AGO1: variants seen among roughly 807,000 people sequenced by gnomAD.
AGO1 encodes the protein argonaute RISC component 1, also known as protein argonaute-1.
A neutral mutation model predicts 109.2 loss-of-function variants in AGO1; 11 were observed. The ratio of observed to expected loss-of-function variants is 0.10; its 90% CI spans 0.06 to 0.17. AGO1 has a LOEUF of 0.17. Ranked by LOEUF, AGO1 falls within the 10% of genes least tolerant of loss-of-function variation. The pLI is 1.00. For missense variants in AGO1, 574 were observed against 1,140.3 expected, an observed-to-expected ratio of 0.50 and a Z score of 7.15; for synonymous variants, 422 against 418.6, an observed-to-expected ratio of 1.01 and a Z score of -0.10.
chr1:35,893,872 C>T lies in AGO1; in HGVS notation c.649+62C>T. ...AGTCCAGTGACCACACTCCCAGCCT[C>T]ATCCCTCCCAGCTCTGCAACCACAC... On this transcript the variant is annotated intron_variant, in intron 5 of 18. Transcript: ENST00000373204. The surrounding 1 kb of genome is among the most constrained non-coding windows in gnomAD (Gnocchi z 5.6). 6.4e-7 allele frequency: 1 copy of T among 1,568,958 alleles called. No individual in the cohort carries two copies. Among genetic ancestry groups the T allele is most frequent in the East Asian group, 2.3e-5 (1 of 44,318 alleles).
chr1:35,895,843 A>G (rs949200888), intron 8 of AGO1, among the ~76,000 whole-genome samples: 3 of 152,198 alleles, frequency 2.0e-5, no homozygotes, highest in Non-Finnish European at 2.9e-5. Context: ...TTTGGTATAT[A>G]CTAGCCAAAA....
chr1:35,915,371 C>T lies in AGO1; in HGVS notation c.1857C>T (p.His619=). ...AGGTGGTAGGCAGTATGGATGCCCA[C>T]CCCAGCCGATACTGTGCTACTGTGC... ...ITAVVGSMDA[H]PSRYCATVRV... is the part of the protein sequence containing the mutation. Residue 619 remains histidine, a synonymous_variant, in exon 15 of 19, where the codon CAC becomes CAT. Transcript: ENST00000373204. The T allele has an allele frequency of 8.1e-6, 13 of 1,613,884 alleles. No homozygotes were observed. The highest frequency in any genetic ancestry group is 1.1e-5 in the Non-Finnish European group (13 of 1,179,836).
Position 35,928,797 on chromosome 1 carries a change from G to A in AGO1, c.*9190G>A, listed in dbSNP as rs1645980009. On this transcript the variant is annotated 3_prime_UTR_variant, in exon 19 of 19. Transcript: ENST00000373204. ...TTTTTCTGTTCTAGTTTATACTTTTGTATCATATTTTAGGAAATTTTGCAC... is the reference window on the plus strand; with the variant it reads ...TTTTTCTGTTCTAGTTTATACTTTTATATCATATTTTAGGAAATTTTGCAC... The A allele has an allele frequency of 6.6e-6, 1 of 152,116 alleles. No individual in the cohort carries two copies. The highest frequency in any genetic ancestry group is 1.5e-5 in the Non-Finnish European group (1 of 68,006). The allele number at this position is 152,116 out of a possible 1,614,324, so 9.4% of individuals were successfully genotyped here.
At position 35,915,275 on chromosome 1, in the gene AGO1, C is replaced by T. The variant is rs1571375610; in HGVS notation, c.1834-73C>T. The T allele has an allele frequency of 2.9e-6, 4 of 1,393,674 alleles. No individual in the cohort carries two copies. In the East Asian group the frequency reaches 9.3e-5, roughly 32 times the overall value. 86.3% of individuals were successfully genotyped at this position (1,393,674 alleles called of 1,614,324 possible). A position where few individuals can be genotyped will look rare whatever the true frequency, so the allele number is the denominator to read the frequency against. On this transcript the variant is annotated intron_variant, in intron 14 of 18. Transcript: ENST00000373204. ...CAGTTGTAGTTTTCTTGCTAAGAAG[C>T]CTTTCCACAAACCCATAGCCTGACA...
At chr1:35,875,444 C>T (rs1473892004) in intron 1 of AGO1, among the ~76,000 whole-genome samples, 4 of 151,968 alleles carry the variant, frequency 2.6e-5, no homozygotes, top group African/African-American at 7.3e-5. Context: ...GACAAAGTCT[C>T]GCTTTGTCGC....
chr1:35,870,521 G>T (rs1385571327), intron 1 of AGO1, among the ~76,000 whole-genome samples: 3 of 152,108 alleles, frequency 2.0e-5, no homozygotes, highest in Non-Finnish European at 4.4e-5. Flanking sequence ...TTGACCTCGT[G>T]ATCTGCACGC....
chr1:35,896,464 G>A (rs1448659778), intron 8 of AGO1, among the ~76,000 whole-genome samples: 1 of 151,906 alleles, frequency 6.6e-6, no homozygotes, highest in Non-Finnish European at 1.5e-5. Context: ...CCAGGTTCAA[G>A]CAATTCTCAT....
At position 35,928,705 on chromosome 1, in the gene AGO1, T is replaced by C. The variant is rs1481089017; in HGVS notation, c.*9098T>C. The C allele has an allele frequency of 1.3e-5, 2 of 152,262 alleles. No homozygotes were observed. The highest frequency in any genetic ancestry group is 4.8e-5 in the African/African-American group (2 of 41,468). 9.4% of individuals were successfully genotyped at this position (152,262 alleles called of 1,614,324 possible). A position where few individuals can be genotyped will look rare whatever the true frequency, so the allele number is the denominator to read the frequency against. The stretch of plus-strand genomic sequence containing the variant: ...ACATCTATTTTTCCCAGTCTGTGGC[T>C]TGCCTTTTCATTTTGAAGAGCAAAA... On this transcript the variant is annotated 3_prime_UTR_variant, in exon 19 of 19. Coordinates refer to ENST00000373204, the MANE Select transcript of AGO1 (RefSeq NM_012199.5).
At chr1:35,883,091 G>A, upstream of AGO1, 1 of 1,058,818 alleles carries the variant, frequency 9.4e-7, no homozygotes, top group Non-Finnish European at 1.1e-6. The surrounding 1 kb of genome is among the most constrained non-coding windows in gnomAD (Gnocchi z 5.4). Context: ...TGACCGCCAG[G>A]GGCCGCTGCC....
At chr1:35,916,816 C>T (rs1645743997) in intron 15 of AGO1, among the ~76,000 whole-genome samples, 1 of 152,196 alleles carries the variant, frequency 6.6e-6, no homozygotes, top group African/African-American at 2.4e-5. Context: ...AGTTATTAAG[C>T]CCTACTAGGT....
chr1:35,914,083 C>T, intron 13 of AGO1, 82 bp downstream of exon 13: 1 of 1,597,436 alleles, frequency 6.3e-7, no homozygotes, highest in Non-Finnish European at 8.6e-7. Flanking sequence ...GCCAGGCAGA[C>T]TGAATCAGAC....
In AGO1 at chr1:35,888,280, C is replaced by T. The variant is rs1453998495; in HGVS notation, c.26-147C>T. The T allele has an allele frequency of 1.4e-6, 1 of 694,396 alleles. No homozygotes were observed. Among genetic ancestry groups the T allele is most frequent in the East Asian group, 2.8e-5 (1 of 35,730 alleles). 43.0% of individuals were successfully genotyped at this position (694,396 alleles called of 1,614,324 possible). On this transcript the variant is annotated intron_variant, in intron 1 of 18. Transcript: ENST00000373204. This position sits in a 1 kb window ranked among gnomAD's most constrained non-coding sequence, Gnocchi z 4.1. Reference sequence around the variant, plus strand: ...AAACACAGATGAGCTTGAGATGTCCCCTGGAAGCCCTTGGCTGGGTTGGGT... The same window carrying T: ...AAACACAGATGAGCTTGAGATGTCCTCTGGAAGCCCTTGGCTGGGTTGGGT...
chr1:35,882,382 G>A (rs1424576116), upstream of AGO1, among the ~76,000 whole-genome samples: 7 of 152,166 alleles, frequency 4.6e-5, no homozygotes, highest in African/African-American at 1.4e-4. The surrounding 1 kb of genome is among the most constrained non-coding windows in gnomAD (Gnocchi z 5.1). Context: ...GGGCCCTTTA[G>A]AAAGACTGAA....
At position 35,912,096 on chromosome 1, in the gene AGO1, G is replaced by A. The variant is rs192611780; in HGVS notation, c.1583-1746G>A. ...CCTTCGGCCGGGCGCGGTGGCTCAC[G>A]CGTGTAATCCCAGCACTTTGGGAGG... On this transcript the variant is annotated intron_variant, in intron 12 of 18. Transcript: ENST00000373204. Among the ~76,000 whole-genome samples, 1,038 of 152,152 alleles carry A rather than the reference G, an allele frequency of 6.8e-3. 8 individuals are homozygous for A. The highest frequency in any genetic ancestry group is 0.022 in the African/African-American group (907 of 41,494).
intron 1 of AGO1, among the ~76,000 whole-genome samples, chr1:35,876,805 C>T (rs961798432): frequency 6.6e-6 from 1 of 152,108 alleles, no homozygotes; most frequent in South Asian, 2.1e-4. Context: ...TTTTAAGAGA[C>T]AGGCTTTGGC....
intron 12 of AGO1, among the ~76,000 whole-genome samples, chr1:35,907,443 A>G (rs563383647): frequency 6.6e-6 from 1 of 152,180 alleles, no homozygotes; most frequent in African/African-American, 2.4e-5. Flanking sequence ...TCAGGAGTGC[A>G]TTGTTTATCT....
rs867841337 is a variant in AGO1 at position 35,888,335 on chromosome 1, G to A, written c.26-92G>A. On this transcript the variant is annotated intron_variant, in intron 1 of 18. Transcript: ENST00000373204. The surrounding 1 kb of genome is among the most constrained non-coding windows in gnomAD (Gnocchi z 4.1). ...GGAAAGAGGCATTCTCTATACTCTC[G>A]TGTTCCTGTTCTGGGAGGCCTTGTT... 5.2e-6 allele frequency: 7 copies of A among 1,344,714 alleles called. No homozygotes were observed. Among genetic ancestry groups the A allele is most frequent in the Non-Finnish European group, 5.2e-6 (5 of 962,862 alleles). 83.3% of individuals were successfully genotyped at this position (1,344,714 alleles called of 1,614,324 possible).
chr1:35,900,985 T>C (rs1645405194), intron 8 of AGO1, among the ~76,000 whole-genome samples: 1 of 146,124 alleles, frequency 6.8e-6, no homozygotes, highest in African/African-American at 2.5e-5. Flanking sequence ...GAATTGCCCT[T>C]TTTTTTTTTT....
upstream of AGO1, among the ~76,000 whole-genome samples, chr1:35,880,093 G>A (rs1258600271): frequency 1.3e-5 from 2 of 152,072 alleles, no homozygotes; most frequent in Non-Finnish European, 2.9e-5. Flanking sequence ...TGTTGATTCA[G>A]GTAAACCCAA....
Sources: gnomAD v4.1 joint callset for allele counts (sites outside exome capture counted in the v4.1 genomes callset) on GRCh38, gnomAD v4.1.1 for gene constraint, Gnocchi (gnomAD v3.1) non-coding constraint, MANE v1.5 for transcripts, NCBI Gene and HGNC (gene_info 2026-07-23, HGNC 2026-07-21) for gene names.